NDRG2: variants seen among roughly 807,000 people sequenced by gnomAD.
NDRG2 encodes NDRG family member 2, also known as protein NDRG2.
In NDRG2, 34 loss-of-function variants were observed where a neutral mutation model predicts 58.2. The observed-to-expected ratio is 0.58, with a 90% CI of 0.44 to 0.78. NDRG2 has a LOEUF of 0.78. Among genes scored for constraint, NDRG2 ranks in the 30% least tolerant of loss-of-function variants. NDRG2 has a pLI of 0.00. For missense variants in NDRG2, 434 were observed against 471.2 expected (o/e 0.92, Z 0.73); for synonymous variants, 187 against 175.9 (o/e 1.06, Z -0.50).
chr14:21,034,755 G>A lies in NDRG2; in HGVS notation c.25-11434C>T, dbSNP rs75971132. On this transcript the variant is annotated intron_variant, in intron 1 of 14. Coordinates refer to the NDRG2 transcript ENST00000403829. Reference sequence around the variant, plus strand: ...CAAGGCCAAGACAGTCAAGAGATGAGGAGAGGCTAGAAAGGTTTCTAGGTA... The same window carrying A: ...CAAGGCCAAGACAGTCAAGAGATGAAGAGAGGCTAGAAAGGTTTCTAGGTA... 1,289 of 159,774 alleles carry A rather than the reference G, an allele frequency of 8.1e-3. 22 individuals carry two copies. Among genetic ancestry groups the A allele is most frequent in the African/African-American group, 0.03 (1,234 of 41,722 alleles). The allele number at this position is 159,774 out of a possible 1,614,324, so 9.9% of individuals were successfully genotyped here.
intron 1 of NDRG2, among the ~76,000 whole-genome samples, chr14:21,040,918 T>C (rs1246966032): frequency 1.3e-5 from 2 of 152,224 alleles, no homozygotes; most frequent in Non-Finnish European, 2.9e-5. Context: ...TTTTTTTTAC[T>C]GTCTTTCTCC....
At chr14:21,025,133 G>A, upstream of NDRG2, 1 of 974,404 alleles carries the variant, frequency 1.0e-6, no homozygotes, top group Admixed American at 6.3e-5. The surrounding 1 kb of genome is among the most constrained non-coding windows in gnomAD (Gnocchi z 5.1). Context: ...GCCCGCCCAC[G>A]GGCGCTAGGC....
At chr14:21,030,425 G>A (rs183192162), upstream of NDRG2, 271 of 729,120 alleles carry the variant, frequency 3.7e-4, 4 homozygotes, top group African/African-American at 4.4e-3. Flanking sequence ...GGAGCTGGGA[G>A]GGAGAAAGGA....
Position 21,061,270 on chromosome 14 carries a change from T to C in NDRG2, c.24+9558A>G, listed in dbSNP as rs146542376. Among the ~76,000 whole-genome samples the C allele has an allele frequency of 2.2e-3, 337 of 152,328 alleles. 1 individual carries two copies. The highest frequency in any genetic ancestry group is 7.7e-3 in the African/African-American group (321 of 41,562). ...CACCAGGAGAAGTTCAACCATTCAATATCTGTAAGAGTTGTGGCCCCGGAA... is the reference window on the plus strand; with the variant it reads ...CACCAGGAGAAGTTCAACCATTCAACATCTGTAAGAGTTGTGGCCCCGGAA... On this transcript the variant is annotated intron_variant, in intron 1 of 14. Transcript: ENST00000403829.
rs187320814 is a variant in NDRG2, at chr14:21,039,539, T to C, written c.25-16218A>G. Among the ~76,000 whole-genome samples, 40 of 152,286 alleles carry C rather than the reference T, an allele frequency of 2.6e-4. No homozygotes were observed. The South Asian group carries it at 6.8e-3, about 26-fold the overall frequency. ...TCCTAAACTTGTCCCCCTTCCTCCA[T>C]CTTTTTCTGTTGCCCCATGAATGCA... On this transcript the variant is annotated intron_variant, in intron 1 of 14. Transcript: ENST00000403829.
chr14:21,024,199 C>T lies in NDRG2; in HGVS notation c.-176G>A, dbSNP rs752860202. 836 of 985,388 alleles carry T rather than the reference C, an allele frequency of 8.5e-4. 1 individual carries two copies. Among genetic ancestry groups the T allele is most frequent in the Middle Eastern group, 1.0e-3 (2 of 1,936 alleles). The allele number at this position is 985,388 out of a possible 1,614,324, so 61.0% of individuals were successfully genotyped here. A position where few individuals can be genotyped will look rare whatever the true frequency, so the allele number is the denominator to read the frequency against. ...GACCCAGACTCCCAGGGTCATCAAC[C>T]TCCTCGGGTCACTAACCCTCCCCAG... On this transcript the variant is annotated 5_prime_UTR_variant, in exon 1 of 16. Coordinates refer to ENST00000556147, the MANE Select transcript of NDRG2 (RefSeq NM_001320329.2).
In NDRG2 at chr14:21,043,810, C is replaced by A. The variant is rs538068494; in HGVS notation, c.25-20489G>T. 2.8e-4 allele frequency: 64 copies of A among 229,422 alleles called. 1 individual carries two copies. The highest frequency in any genetic ancestry group is 1.7e-3 in the Middle Eastern group (1 of 574). The allele number at this position is 229,422 out of a possible 1,614,324, so 14.2% of individuals were successfully genotyped here. A position where few individuals can be genotyped will look rare whatever the true frequency, so the allele number is the denominator to read the frequency against. On this transcript the variant is annotated intron_variant, in intron 1 of 14. Transcript: ENST00000403829. Reference sequence around the variant, plus strand: ...AAAGGGGGCATATGGGATTTGTGGACACAGCTGTTTCTGTTCCTGAACTAG... The same window carrying A: ...AAAGGGGGCATATGGGATTTGTGGAAACAGCTGTTTCTGTTCCTGAACTAG...
intron 1 of NDRG2, among the ~76,000 whole-genome samples, chr14:21,049,057 C>G (rs1056245964): frequency 6.6e-6 from 1 of 152,138 alleles, no homozygotes; most frequent in Non-Finnish European, 1.5e-5. Context: ...ATTTATGAAT[C>G]CAAAGATATG....
intron 12 of NDRG2, 86 bp from the exon 13 acceptor site, chr14:21,018,590 C>G: frequency 5.1e-6 from 8 of 1,565,650 alleles, no homozygotes; most frequent in Non-Finnish European, 6.9e-6. Context: ...AGACCCCAGT[C>G]CCTTTTCTAT....
intron 1 of NDRG2, among the ~76,000 whole-genome samples, chr14:21,069,533 G>C (rs938188018): frequency 1.3e-5 from 2 of 152,222 alleles, no homozygotes; most frequent in Non-Finnish European, 2.9e-5. Context: ...CGAAATGCAC[G>C]CCCCTACATA....
At position 21,022,117 on chromosome 14, in the gene NDRG2, G is replaced by C. The variant is rs750625845; in HGVS notation, c.289C>G (p.Arg97Gly). ...ATTCCAGGGGCATCCACATGAACCC[G>C]CACAAAGTTCTGAATGATTTCCTGC... ...DMQEIIQNFVRVHVDAPGMEE... is the reference protein window; with the variant it reads ...DMQEIIQNFVGVHVDAPGMEE... The change falls in exon 5 of 16, where the codon CGG becomes GGG. Residue 97 changes from arginine to glycine, a missense_variant. Transcript: ENST00000556147. The C allele has an allele frequency of 5.6e-6, 9 of 1,613,946 alleles. No individual in the cohort carries two copies. Among genetic ancestry groups the C allele is most frequent in the Non-Finnish European group, 6.8e-6 (8 of 1,180,026 alleles).
Position 21,070,499 on chromosome 14 carries a change from A to G in NDRG2, c.24+329T>C, listed in dbSNP as rs2139188202. ...CTGGTGCCTCCCGAGCCTGCCTCGG[A>G]CTGTTCGGCCCCTCTGGGACTCTCC... On this transcript the variant is annotated intron_variant, in intron 1 of 14. Transcript: ENST00000403829. The surrounding 1 kb of genome is among the most constrained non-coding windows in gnomAD (Gnocchi z 4.7). 7.5e-7 allele frequency: 1 copy of G among 1,332,512 alleles called. No homozygotes were observed. Among genetic ancestry groups the G allele is most frequent in the Non-Finnish European group, 9.7e-7 (1 of 1,029,772 alleles). The allele number at this position is 1,332,512 out of a possible 1,614,324, so 82.5% of individuals were successfully genotyped here.
At chr14:21,032,846 T>G (rs1019424735) in intron 1 of NDRG2, 4 of 423,036 alleles carry the variant, frequency 9.5e-6, no homozygotes, top group Non-Finnish European at 1.9e-5. Flanking sequence ...TATTTTGAAT[T>G]GATTATGGGT....
At position 21,018,446 on chromosome 14, in the gene NDRG2, A is replaced by C. The variant is rs374584083; in HGVS notation, c.861+11T>G. 5.6e-6 allele frequency: 9 copies of C among 1,613,776 alleles called. No homozygotes were observed. Among genetic ancestry groups the C allele is most frequent in the Non-Finnish European group, 7.6e-6 (9 of 1,179,858 alleles). On this transcript the variant is annotated intron_variant, in intron 13 of 15. Transcript: ENST00000556147. ...TGACTGTGGACGGGGGCCCAGGAAC[A>C]GGTTACTGACCTTGAGGAACGAGGT...
At chr14:21,057,205 T>TGGATCA (rs1474281216) in intron 1 of NDRG2, among the ~76,000 whole-genome samples, 4 of 151,964 alleles carry the variant, frequency 2.6e-5, no homozygotes, top group Non-Finnish European at 5.9e-5. Flanking sequence ...GAGGCTGAGG[T>TGGATCA]GGGTGGATCA....
Position 21,070,423 on chromosome 14 carries a change from T to A in NDRG2, c.24+405A>T. 7.1e-7 allele frequency: 1 copy of A among 1,403,352 alleles called. No homozygotes were observed. The highest frequency in any genetic ancestry group is 9.2e-7 in the Non-Finnish European group (1 of 1,087,242). The allele number at this position is 1,403,352 out of a possible 1,614,324, so 86.9% of individuals were successfully genotyped here. A position where few individuals can be genotyped will look rare whatever the true frequency, so the allele number is the denominator to read the frequency against. On this transcript the variant is annotated intron_variant, in intron 1 of 14. Transcript: ENST00000403829. The surrounding 1 kb of genome is among the most constrained non-coding windows in gnomAD (Gnocchi z 4.7). ...TGGTGAGTCCAGCGTCGCAGCCCCCTGGGTCCCCTCGGCCTTCGCGCAGCC... is the reference window on the plus strand; with the variant it reads ...TGGTGAGTCCAGCGTCGCAGCCCCCAGGGTCCCCTCGGCCTTCGCGCAGCC...
At chr14:21,039,881 T>G (rs1224639430) in intron 1 of NDRG2, among the ~76,000 whole-genome samples, 1 of 152,088 alleles carries the variant, frequency 6.6e-6, no homozygotes, top group Non-Finnish European at 1.5e-5. Context: ...AATTATAATA[T>G]CAGGAAAACA....
rs1881705427 is a variant in NDRG2, at chr14:21,023,177, G to A, written c.75+64C>T. 3.6e-6 allele frequency: 5 copies of A among 1,392,372 alleles called. No individual in the cohort carries two copies. In the South Asian group the frequency reaches 5.9e-5, roughly 17 times the overall value. 86.3% of individuals were successfully genotyped at this position (1,392,372 alleles called of 1,614,324 possible). A position where few individuals can be genotyped will look rare whatever the true frequency, so the allele number is the denominator to read the frequency against. On this transcript the variant is annotated intron_variant, in intron 2 of 15. Coordinates refer to ENST00000556147, the MANE Select transcript of NDRG2 (RefSeq NM_001320329.2). ...TAAGATCAGTACGCTTGGGAAGTTA[G>A]AAGGCAAGGGGGATGCTTAGAGGTC...
At chr14:21,032,122 T>G (rs1362773326) in intron 1 of NDRG2, 4 of 1,579,808 alleles carry the variant, frequency 2.5e-6, no homozygotes, top group Non-Finnish European at 3.5e-6. Flanking sequence ...CCCTGCATGT[T>G]TAACACCAGG....
Sources: gnomAD v4.1 joint callset for allele counts (sites outside exome capture counted in the v4.1 genomes callset) on GRCh38, gnomAD v4.1.1 for gene constraint, Gnocchi (gnomAD v3.1) non-coding constraint, MANE v1.5 for transcripts, NCBI Gene and HGNC (gene_info 2026-07-23, HGNC 2026-07-21) for gene names.